The following HSPA4 variants were observed in gnomAD, a reference collection of about 807,000 sequenced individuals.
HSPA4 encodes the protein heat shock protein family A (Hsp70) member 4.
In HSPA4, 25 loss-of-function variants were observed where a neutral mutation model predicts 106.2. That is an observed-to-expected ratio of 0.24 (90% CI 0.17 to 0.33). The LOEUF is 0.33. HSPA4 is among the 10% of genes least tolerant of loss of function. The pLI, the probability that HSPA4 is intolerant of heterozygous loss-of-function variation, is 1.00. For missense variants in HSPA4, 841 were observed against 996.0 expected (o/e 0.84, Z 2.10); for synonymous variants, 332 against 333.6 (o/e 1.00, Z 0.05).
intron 10 of HSPA4, 84 bp downstream of exon 10, chr5:133,089,245 C>T (rs1765615329): frequency 1.3e-6 from 1 of 772,028 alleles, no homozygotes; most frequent in Non-Finnish European, 2.1e-6. Context: ...TTTCAGTTTA[C>T]ATAAATCTGT....
chr5:133,076,567 A>T (rs546586625), intron 6 of HSPA4, 87 bp from the exon 7 acceptor site: 5 of 1,180,378 alleles, frequency 4.2e-6, no homozygotes, highest in Admixed American at 4.9e-5. Flanking sequence ...CTTTTTTTTT[A>T]GATAAACAAC....
intron 10 of HSPA4, among the ~76,000 whole-genome samples, 169 bp downstream of exon 10, chr5:133,089,330 C>A (rs1213606257): frequency 6.6e-6 from 1 of 152,184 alleles, no homozygotes; most frequent in East Asian, 1.9e-4. Flanking sequence ...TAATTAGTTT[C>A]TCACACTTGA....
Sources: allele counts gnomAD v4.1 joint callset (sites outside exome capture counted in the v4.1 genomes callset), GRCh38; gene constraint gnomAD v4.1.1; transcripts MANE v1.5; gene names NCBI Gene and HGNC (gene_info 2026-07-23, HGNC 2026-07-21).